The following CNOT3 variants were observed in gnomAD, a reference collection of about 807,000 sequenced individuals.
The protein encoded by CNOT3 is CCR4-NOT transcription complex subunit 3.
Under a neutral mutation model 89.4 loss-of-function variants are expected in CNOT3, and 2 were observed. That is an observed-to-expected ratio of 0.02 (90% confidence interval 0.01 to 0.07). The LOEUF is 0.07. Among genes scored for constraint, CNOT3 ranks in the 10% least tolerant of loss-of-function variants. CNOT3 has a pLI of 1.00. For missense variants in CNOT3, 664 were observed against 1,010.2 expected, an observed-to-expected ratio of 0.66 and a Z score of 4.65; for synonymous variants, 486 against 402.0, an observed-to-expected ratio of 1.21 and a Z score of -2.50.
At position 54,144,510 on chromosome 19, in the gene CNOT3, G is replaced by A. The variant is rs1054100109; in HGVS notation, c.483+178G>A. On this transcript the variant is annotated intron_variant, in intron 7 of 17. Coordinates refer to ENST00000221232, the MANE Select transcript of CNOT3 (RefSeq NM_014516.4). The surrounding 1 kb of genome is among the most constrained non-coding windows in gnomAD (Gnocchi z 4.8). ...GATTGGGAGGGCTTAGCAGCTGCAC[G>A]CGTGGGGCAGGAAGGAGGTCAGACA... Among the ~76,000 whole-genome samples, 19 of 152,206 alleles carry A rather than the reference G, an allele frequency of 1.2e-4. No homozygotes were observed. Among genetic ancestry groups the A allele is most frequent in the African/African-American group, 3.6e-4 (15 of 41,462 alleles).
chr19:54,144,487 T>C lies in CNOT3; in HGVS notation c.483+155T>C, dbSNP rs1161149229. On this transcript the variant is annotated intron_variant, in intron 7 of 17. Transcript: ENST00000221232. This position sits in a 1 kb window ranked among gnomAD's most constrained non-coding sequence, Gnocchi z 4.8. ...GGGATTAGGGATTTGAGAGACAGGA[T>C]TGGGAGGGCTTAGCAGCTGCACGCG... Among the ~76,000 whole-genome samples the C allele has an allele frequency of 2.0e-5, 3 of 151,906 alleles. No homozygotes were observed. The highest frequency in any genetic ancestry group is 4.4e-5 in the Non-Finnish European group (3 of 67,966).
intron 13 of CNOT3, 35 bp downstream of exon 13, chr19:54,149,793 CCTGA>C: frequency 6.4e-7 from 1 of 1,551,148 alleles, no homozygotes; most frequent in Non-Finnish European, 8.7e-7. Flanking sequence ...GCCTCTGTGT[CCTGA>C]CTCTGTTGTT....
chr19:54,151,234 C>T (rs587761058), intron 13 of CNOT3, among the ~76,000 whole-genome samples: 6 of 152,208 alleles, frequency 3.9e-5, no homozygotes, highest in South Asian at 2.1e-4. Context: ...GGTGGGTGGT[C>T]GGGAACCATG....
rs1199384554 is a variant in CNOT3 at position 54,144,878 on chromosome 19, G to GA, written c.483+547dup. 2.5e-4 allele frequency among the ~76,000 whole-genome samples: 38 copies of GA among 152,156 alleles called. No individual in the cohort carries two copies. Among genetic ancestry groups the GA allele is most frequent in the African/African-American group, 9.2e-4 (38 of 41,426 alleles). ...TGTACAGACTTGCTGAAACCAGAAA[G>GA]ACAGGGAGGGGAGAGCCGGGTCCTC... On this transcript the variant is annotated intron_variant, in intron 7 of 17. Coordinates refer to ENST00000221232, the MANE Select transcript of CNOT3 (RefSeq NM_014516.4). The surrounding 1 kb of genome is among the most constrained non-coding windows in gnomAD (Gnocchi z 4.8).
chr19:54,148,895 A>T lies in CNOT3; in HGVS notation c.1406+152A>T. ...ATCCTCCATCTCCCTCGGGTGTTAC[A>T]CCCCCACTTCTTTCCAGCAAGGAAA... is the stretch of plus-strand genomic sequence containing the variant. On this transcript the variant is annotated intron_variant, in intron 12 of 17. Coordinates refer to ENST00000221232, the MANE Select transcript of CNOT3 (RefSeq NM_014516.4). This position sits in a 1 kb window ranked among gnomAD's most constrained non-coding sequence, Gnocchi z 6.3. 1.5e-6 allele frequency: 1 copy of T among 654,356 alleles called. No individual in the cohort carries two copies. The highest frequency in any genetic ancestry group is 2.6e-6 in the Non-Finnish European group (1 of 388,836). The allele number at this position is 654,356 out of a possible 1,614,324, so 40.5% of individuals were successfully genotyped here. A position where few individuals can be genotyped will look rare whatever the true frequency, so the allele number is the denominator to read the frequency against.
At chr19:54,151,576 C>G (rs1246392739) in intron 13 of CNOT3, among the ~76,000 whole-genome samples, 1 of 152,190 alleles carries the variant, frequency 6.6e-6, no homozygotes, top group Non-Finnish European at 1.5e-5. Flanking sequence ...GAGTCCAGCA[C>G]AGGGCTGGGG....
chr19:54,140,702 G>C (rs587680517), intron 1 of CNOT3, among the ~76,000 whole-genome samples: 14 of 152,272 alleles, frequency 9.2e-5, no homozygotes, highest in African/African-American at 3.1e-4. Context: ...CTGGGTCTCA[G>C]CTGTAGCCGA....
rs1312478477 is a variant in CNOT3, at chr19:54,144,553, G to C, written c.483+221G>C. Among the ~76,000 whole-genome samples the C allele has an allele frequency of 1.3e-5, 2 of 152,204 alleles. No individual in the cohort carries two copies. Among genetic ancestry groups the C allele is most frequent in the East Asian group, 3.9e-4 (2 of 5,194 alleles). On this transcript the variant is annotated intron_variant, in intron 7 of 17. Transcript: ENST00000221232. This position sits in a 1 kb window ranked among gnomAD's most constrained non-coding sequence, Gnocchi z 4.8. ...GTCAGACAGAATCTCAGGGTCCCCT[G>C]GGTGTCTGGGTAGACCGTGGGGCCT...
intron 1 of CNOT3, among the ~76,000 whole-genome samples, chr19:54,138,400 C>T (rs1158981542): frequency 1.3e-5 from 2 of 152,166 alleles, no homozygotes; most frequent in African/African-American, 4.8e-5. Flanking sequence ...GCCCCTGGTC[C>T]CAGGTGCCCG....
chr19:54,150,876 C>T (rs587656464), intron 13 of CNOT3, among the ~76,000 whole-genome samples: 7 of 151,968 alleles, frequency 4.6e-5, no homozygotes, highest in South Asian at 2.1e-4. Context: ...ATGCAACATC[C>T]GCCTCCTGGG....
In CNOT3 at chr19:54,145,945, A is replaced by G; in HGVS notation, c.739A>G (p.Ser247Gly). 6.2e-7 allele frequency: 1 copy of G among 1,613,832 alleles called. No individual in the cohort carries two copies. Residue 247 changes from serine to glycine, a missense_variant, in exon 9 of 18, where the codon AGC becomes GGC. Physicochemically the swap from Ser to Gly is moderately conservative, Grantham distance 56. Around this residue, in one of 8 missense-constraint regions of CNOT3, gnomAD observed 545 missense variants for 566.2 expected, o/e 0.96. Coordinates refer to ENST00000221232, the MANE Select transcript of CNOT3 (RefSeq NM_014516.4). The surrounding 1 kb of genome is among the most constrained non-coding windows in gnomAD (Gnocchi z 5.9). The part of the protein sequence containing the change: ...ALVATSPPSH[S>G]HMEDEIFNQS... ...GGTCGCCACCTCCCCCCCCAGCCAC[A>G]GCCACATGGAGGATGAGATCTTCAA...
intron 3 of CNOT3, 66 bp from the exon 4 acceptor site, chr19:54,143,376 A>T: frequency 6.5e-7 from 1 of 1,537,418 alleles, no homozygotes; most frequent in Non-Finnish European, 9.0e-7. Context: ...CATAAGGAAG[A>T]ATCACTGGAG....
chr19:54,144,364 G>T lies in CNOT3; in HGVS notation c.483+32G>T, dbSNP rs1209747471. The T allele has an allele frequency of 1.3e-6, 2 of 1,540,472 alleles. No homozygotes were observed. Among genetic ancestry groups the T allele is most frequent in the Non-Finnish European group, 1.8e-6 (2 of 1,114,270 alleles). On this transcript the variant is annotated intron_variant, in intron 7 of 17. Coordinates refer to ENST00000221232, the MANE Select transcript of CNOT3 (RefSeq NM_014516.4). This position sits in a 1 kb window ranked among gnomAD's most constrained non-coding sequence, Gnocchi z 4.8. Reference sequence around the variant, plus strand: ...GAGGGAGACCCGACACCTTTGGGATGGGGATGGGCATGGGAATGGGCTGGC... The same window carrying T: ...GAGGGAGACCCGACACCTTTGGGATTGGGATGGGCATGGGAATGGGCTGGC...
At position 54,149,543 on chromosome 19, in the gene CNOT3, C is replaced by T. The variant is rs747578854; in HGVS notation, c.1407-17C>T. Reference sequence around the variant, plus strand: ...GGGACCCTCCTCTCAACCCCCTCTTCCATGCTCTCTCTCCAGGAAGGAACC... The same window carrying T: ...GGGACCCTCCTCTCAACCCCCTCTTTCATGCTCTCTCTCCAGGAAGGAACC... On this transcript the variant is annotated splice_polypyrimidine_tract_variant and intron_variant, in intron 12 of 17. Transcript: ENST00000221232. The T allele has an allele frequency of 2.5e-5, 39 of 1,531,052 alleles. No homozygotes were observed. The highest frequency in any genetic ancestry group is 3.4e-5 in the Non-Finnish European group (39 of 1,134,148). The allele number at this position is 1,531,052 out of a possible 1,614,324, so 94.8% of individuals were successfully genotyped here. A position where few individuals can be genotyped will look rare whatever the true frequency, so the allele number is the denominator to read the frequency against.
At chr19:54,150,304 G>T (rs2074999918) in intron 13 of CNOT3, among the ~76,000 whole-genome samples, 1 of 152,154 alleles carries the variant, frequency 6.6e-6, no homozygotes, top group Non-Finnish European at 1.5e-5. Context: ...GGACCAGGCA[G>T]GGGGGCTAAC....
intron 1 of CNOT3, chr19:54,142,022 C>T (rs1342306387): frequency 6.6e-6 from 1 of 152,138 alleles, no homozygotes; most frequent in East Asian, 1.9e-4. Flanking sequence ...AGACGCTCCT[C>T]TCTTGAAGTT....
chr19:54,148,736 A>G lies in CNOT3; in HGVS notation c.1399A>G (p.Ser467Gly). ...TTCCGGCCCCCACAACCCACCTCCCAGCACCTCGTGAGTGTCTCGGCCATC... is the reference window on the plus strand; with the variant it reads ...TTCCGGCCCCCACAACCCACCTCCCGGCACCTCGTGAGTGTCTCGGCCATC... ...PPSGPHNPPP[S>G]TSKEPSAAAP... Residue 467 changes from serine to glycine, a missense_variant, in exon 12 of 18, where the codon AGC becomes GGC. Physicochemically the swap from Ser to Gly is moderately conservative, Grantham distance 56. Transcript: ENST00000221232. The surrounding 1 kb of genome is among the most constrained non-coding windows in gnomAD (Gnocchi z 6.3). 6.2e-7 allele frequency: 1 copy of G among 1,611,722 alleles called. No individual in the cohort carries two copies. Among genetic ancestry groups the G allele is most frequent in the Non-Finnish European group, 8.5e-7 (1 of 1,179,388 alleles).
intron 12 of CNOT3, among the ~76,000 whole-genome samples, chr19:54,149,148 G>A (rs587667198): frequency 7.7e-4 from 117 of 152,288 alleles, no homozygotes; most frequent in African/African-American, 2.7e-3. Flanking sequence ...CCATTCCACT[G>A]GGTCTGCCTG....
chr19:54,153,583 AAG>A, intron 16 of CNOT3, 130 bp from the exon 17 acceptor site: 1 of 791,482 alleles, frequency 1.3e-6, no homozygotes, highest in Admixed American at 1.7e-5. Flanking sequence ...CCCCATCTCC[AAG>A]AGGATTGTCC....
Sources: allele counts gnomAD v4.1 joint callset (sites outside exome capture counted in the v4.1 genomes callset), GRCh38; gene constraint gnomAD v4.1.1; regional missense constraint gnomAD v4.1.1; non-coding constraint Gnocchi (gnomAD v3.1); transcripts MANE v1.5; gene names NCBI Gene and HGNC (gene_info 2026-07-23, HGNC 2026-07-21).